The following MTDH variants were observed in gnomAD, a reference collection of about 807,000 sequenced individuals.
MTDH encodes protein LYRIC.
A neutral mutation model predicts 72.7 loss-of-function variants in MTDH; 34 were observed. That is an observed-to-expected ratio of 0.47 (90% confidence interval 0.36 to 0.62). MTDH has a LOEUF of 0.62. Among genes scored for constraint, MTDH ranks in the 20% least tolerant of loss-of-function variants. The pLI is 0.00. For missense variants in MTDH, 677 were observed against 699.4 expected, an observed-to-expected ratio of 0.97 and a Z score of 0.36; for synonymous variants, 266 against 268.9, an observed-to-expected ratio of 0.99 and a Z score of 0.10.
rs200352570 is a variant in MTDH, at chr8:97,719,095, A to T, written c.1427A>T (p.Asn476Ile). Residue 476 changes from asparagine (N) to isoleucine (I), a missense_variant, in exon 10 of 12, where the codon AAT becomes ATT. Transcript: ENST00000336273. The part of the protein sequence containing the change: ...EKEIREDLPV[N>I]TSKTRPKQEK... The stretch of plus-strand genomic sequence containing the variant: ...GAGATTAGAGAAGACCTTCCAGTGA[A>T]TACCTCTAAAACCCGTCCAAAACAG... 5 of 1,613,426 alleles carry T rather than the reference A, an allele frequency of 3.1e-6. No homozygotes were observed. Among genetic ancestry groups the T allele is most frequent in the Non-Finnish European group, 4.2e-6 (5 of 1,179,586 alleles).
intron 8 of MTDH, among the ~76,000 whole-genome samples, chr8:97,712,218 A>G (rs924155859): frequency 6.6e-6 from 1 of 152,058 alleles, no homozygotes; most frequent in Non-Finnish European, 1.5e-5. Context: ...TTTTATTTTT[A>G]GTAGAGATGG....
Position 97,725,443 on chromosome 8 carries a change from C to G in MTDH, c.*773C>G, listed in dbSNP as rs982634408. 6.6e-6 allele frequency: 1 copy of G among 152,510 alleles called. No homozygotes were observed. The highest frequency in any genetic ancestry group is 1.5e-5 in the Non-Finnish European group (1 of 68,008). The allele number at this position is 152,510 out of a possible 1,614,324, so 9.4% of individuals were successfully genotyped here. A position where few individuals can be genotyped will look rare whatever the true frequency, so the allele number is the denominator to read the frequency against. On this transcript the variant is annotated 3_prime_UTR_variant, in exon 12 of 12. Coordinates refer to ENST00000336273, the MANE Select transcript of MTDH (RefSeq NM_178812.4). ...CTATTGTTTATGATTTGAAAACTTT[C>G]AGGCAAAATCCAATTTACATTTTTC... is the stretch of plus-strand genomic sequence containing the variant.
rs1586278668 is a variant in MTDH at position 97,713,566 on chromosome 8, A to G, written c.1273-96A>G. 16 of 662,878 alleles carry G rather than the reference A, an allele frequency of 2.4e-5. No homozygotes were observed. The East Asian group carries it at 4.2e-4, about 17-fold the overall frequency. The allele number at this position is 662,878 out of a possible 1,614,324, so 41.1% of individuals were successfully genotyped here. A position where few individuals can be genotyped will look rare whatever the true frequency, so the allele number is the denominator to read the frequency against. On this transcript the variant is annotated intron_variant, in intron 8 of 11. Transcript: ENST00000336273. Reference sequence around the variant, plus strand: ...TTTATTTAGATTTTGGGAAATGAAGACTGTACCTAATGAATGAAATTATTT... The same window carrying G: ...TTTATTTAGATTTTGGGAAATGAAGGCTGTACCTAATGAATGAAATTATTT...
Position 97,716,668 on chromosome 8 carries a change from C to CA in MTDH, c.1381-2370dup, listed in dbSNP as rs201656544. On this transcript the variant is annotated intron_variant, in intron 9 of 11. Coordinates refer to ENST00000336273, the MANE Select transcript of MTDH (RefSeq NM_178812.4). Reference sequence around the variant, plus strand: ...CCTGGACAACAGAGTGAGACTGTCTCAAAAAAAAAAATTATATTGTTTTTT... The same window carrying CA: ...CCTGGACAACAGAGTGAGACTGTCTCAAAAAAAAAAAATTATATTGTTTTTT... Among the ~76,000 whole-genome samples, 117 of 146,778 alleles carry CA rather than the reference C, an allele frequency of 8.0e-4. 1 individual carries two copies. The East Asian group carries it at 0.01, about 13-fold the overall frequency.
intron 10 of MTDH, among the ~76,000 whole-genome samples, chr8:97,721,789 G>GT (rs1397782136): frequency 3.3e-5 from 5 of 152,200 alleles, no homozygotes; most frequent in Non-Finnish European, 7.3e-5. Flanking sequence ...CTTCCAGGCT[G>GT]TAGAGAAGTA....
intron 2 of MTDH, among the ~76,000 whole-genome samples, chr8:97,682,055 TGCTACCA>T (rs373231769): frequency 2.9e-4 from 44 of 151,590 alleles, no homozygotes; most frequent in African/African-American, 1.0e-3. Flanking sequence ...CAGAGCTTTA[TGCTACCA>T]GCTTCCTTCA....
chr8:97,719,240 A>T, intron 10 of MTDH, 51 bp downstream of exon 10: 1 of 1,579,114 alleles, frequency 6.3e-7, no homozygotes, highest in South Asian at 1.2e-5. Flanking sequence ...TACGCCTGTA[A>T]TCCCAGCACT....
intron 2 of MTDH, among the ~76,000 whole-genome samples, chr8:97,680,721 T>C (rs1211532550): frequency 6.6e-6 from 1 of 152,230 alleles, no homozygotes; most frequent in Non-Finnish European, 1.5e-5. Context: ...GAGTGATGTC[T>C]GTTTTGAATA....
At chr8:97,670,910 C>T (rs1310088824) in intron 2 of MTDH, among the ~76,000 whole-genome samples, 1 of 151,606 alleles carries the variant, frequency 6.6e-6, no homozygotes, top group Non-Finnish European at 1.5e-5. Context: ...GCGCCCACTG[C>T]CACGCCTGGC....
intron 9 of MTDH, among the ~76,000 whole-genome samples, chr8:97,717,640 T>A (rs1814929554): frequency 7.6e-6 from 1 of 131,672 alleles, no homozygotes. Flanking sequence ...CCCCCAAAAA[T>A]GGAAATCTTA....
intron 1 of MTDH, among the ~76,000 whole-genome samples, chr8:97,652,063 A>G (rs1041011597): frequency 2.0e-5 from 3 of 152,186 alleles, no homozygotes; most frequent in African/African-American, 4.8e-5. Context: ...TTCTAGTGTC[A>G]CCTTAGCTCC....
chr8:97,671,818 C>T (rs972750010), intron 2 of MTDH, among the ~76,000 whole-genome samples: 3 of 151,940 alleles, frequency 2.0e-5, no homozygotes, highest in Admixed American at 6.6e-5. Flanking sequence ...CCCTCCAGCC[C>T]GGATGGTAGA....
intron 6 of MTDH, among the ~76,000 whole-genome samples, chr8:97,694,284 G>A (rs1025303619): frequency 2.0e-5 from 3 of 150,744 alleles, no homozygotes; most frequent in African/African-American, 4.9e-5. Flanking sequence ...CACAACCACC[G>A]CCTCTCGGGT....
At chr8:97,666,660 G>A (rs1214616381) in intron 2 of MTDH, among the ~76,000 whole-genome samples, 1 of 152,178 alleles carries the variant, frequency 6.6e-6, no homozygotes, top group Non-Finnish European at 1.5e-5. Context: ...TCCTTATCAT[G>A]AACCAAGGCA....
chr8:97,654,652 C>T (rs1811897731), intron 1 of MTDH, among the ~76,000 whole-genome samples: 2 of 151,840 alleles, frequency 1.3e-5, no homozygotes, highest in Non-Finnish European at 2.9e-5. Flanking sequence ...ATTTGCTGCA[C>T]CCATCAACCT....
At position 97,666,506 on chromosome 8, in the gene MTDH, C is replaced by T. The variant is rs1812394321; in HGVS notation, c.483+5333C>T. ...AGTTTTTGAAGCATGGTCAGTGAAC[C>T]CCTAGGAAGGGACCCTAGTGACCCT... is the stretch of plus-strand genomic sequence containing the variant. On this transcript the variant is annotated intron_variant, in intron 2 of 11. Transcript: ENST00000336273. Among the ~76,000 whole-genome samples, 2 of 152,098 alleles carry T rather than the reference C, an allele frequency of 1.3e-5. 1 individual carries two copies. Among genetic ancestry groups the T allele is most frequent in the South Asian group, 4.1e-4 (2 of 4,820 alleles).
intron 8 of MTDH, among the ~76,000 whole-genome samples, chr8:97,711,349 A>G (rs1029915846): frequency 4.0e-5 from 6 of 151,504 alleles, no homozygotes; most frequent in Non-Finnish European, 7.4e-5. Context: ...AAAAAAAAAA[A>G]AAAAGAAAAA....
chr8:97,680,781 C>A (rs1041535486), intron 2 of MTDH, among the ~76,000 whole-genome samples: 6 of 152,274 alleles, frequency 3.9e-5, no homozygotes, highest in East Asian at 3.9e-4. Flanking sequence ...AGTATCTGAA[C>A]CCCTGCTAAT....
intron 6 of MTDH, among the ~76,000 whole-genome samples, chr8:97,695,267 C>G (rs1813789040): frequency 1.3e-5 from 2 of 152,014 alleles, no homozygotes; most frequent in South Asian, 4.1e-4. Context: ...GCACGTGTCA[C>G]CATGCCCAGC....
Sources: gnomAD v4.1 joint callset for allele counts (sites outside exome capture counted in the v4.1 genomes callset) on GRCh38, gnomAD v4.1.1 for gene constraint, MANE v1.5 for transcripts, NCBI Gene and HGNC (gene_info 2026-07-23, HGNC 2026-07-21) for gene names.